CAST: variants seen among roughly 807,000 people sequenced by gnomAD.
CAST encodes the protein MIR583 host.
Under a neutral mutation model 119.6 loss-of-function variants are expected in CAST, and 76 were observed. The ratio of observed to expected loss-of-function variants is 0.64; its 90% confidence interval spans 0.53 to 0.77. The LOEUF (loss-of-function observed/expected upper bound fraction) is 0.77, where lower values mean the gene tolerates loss of function less well. Ranked by LOEUF, CAST falls within the 30% of genes least tolerant of loss-of-function variation. The probability of loss-of-function intolerance (pLI) is 0.00; values close to 1 mark genes in which losing one functional copy is unlikely to be tolerated. For missense variants in CAST, 953 were observed against 946.5 expected (o/e 1.01, Z -0.09); for synonymous variants, 319 against 331.6 (o/e 0.96, Z 0.41).
chr5:96,280,677 T>C, the CAST span, among the ~76,000 whole-genome samples: 2 of 152,228 alleles, frequency 1.3e-5, no homozygotes, highest in South Asian at 4.1e-4. Context: ...AGATAATGTA[T>C]GTGAAAATAC....
the CAST span, among the ~76,000 whole-genome samples, chr5:96,156,521 A>C: frequency 6.6e-6 from 1 of 152,234 alleles, no homozygotes; most frequent in Non-Finnish European, 1.5e-5. Flanking sequence ...GAGGAGGAAT[A>C]TGAATGTTTA....
intron 3 of CAST, among the ~76,000 whole-genome samples, chr5:96,701,212 G>A (rs1454537040): frequency 6.6e-6 from 1 of 152,096 alleles, no homozygotes; most frequent in Non-Finnish European, 1.5e-5. Context: ...ACAGGCATGA[G>A]CCACCATGCC....
At chr5:96,577,232 TA>T (rs540771696) in intron 1 of CAST, among the ~76,000 whole-genome samples, 21 of 152,290 alleles carry the variant, frequency 1.4e-4, no homozygotes, top group African/African-American at 4.8e-4. Flanking sequence ...ATTCCATTAT[TA>T]TCTTGTAGGA....
the CAST span, among the ~76,000 whole-genome samples, chr5:96,046,896 A>G: frequency 6.6e-6 from 1 of 152,170 alleles, no homozygotes; most frequent in Non-Finnish European, 1.5e-5. Context: ...AGATCTCGTG[A>G]AACTTATTCA....
intron 19 of CAST, among the ~76,000 whole-genome samples, chr5:96,749,517 G>A (rs886760197): frequency 5.9e-5 from 9 of 152,126 alleles, no homozygotes; most frequent in African/African-American, 1.9e-4. Flanking sequence ...TTTGTTTAAA[G>A]GTTTGCTTCT....
Position 96,737,865 on chromosome 5 carries a change from C to T in CAST, c.716C>T (p.Ala239Val). The T allele has an allele frequency of 6.3e-7, 1 of 1,591,992 alleles. No individual in the cohort carries two copies. The highest frequency in any genetic ancestry group is 8.6e-7 in the Non-Finnish European group (1 of 1,160,446). ...KPSGKSGMDA[A>V]LDDLIDTLGG... ...CTTTTCCAGTCAGGCATGGATGCTGCTTTGGATGACTTAATAGATACTTTA... is the reference window on the plus strand; with the variant it reads ...CTTTTCCAGTCAGGCATGGATGCTGTTTTGGATGACTTAATAGATACTTTA... Residue 239 changes from alanine (A) to valine (V), a missense_variant, in exon 11 of 32, where the codon GCT (alanine) becomes GTT (valine). Ala to Val is a moderately conservative substitution (Grantham distance 64, BLOSUM62 0). Transcript: ENST00000675179.
intron 1 of CAST, among the ~76,000 whole-genome samples, chr5:96,601,442 C>T (rs542823220): frequency 6.7e-4 from 102 of 152,274 alleles, no homozygotes; most frequent in African/African-American, 2.0e-3. Context: ...AAGGTTACTA[C>T]GGAAACAATG....
chr5:96,051,361 T>C, the CAST span, among the ~76,000 whole-genome samples: 19 of 152,188 alleles, frequency 1.2e-4, no homozygotes, highest in Admixed American at 3.9e-4. Context: ...GTGATTTTTC[T>C]TTCTGGTAGG....
At chr5:96,643,004 G>A (rs895120110) in intron 1 of CAST, among the ~76,000 whole-genome samples, 2 of 107,820 alleles carry the variant, frequency 1.9e-5, no homozygotes, top group African/African-American at 7.0e-5. Context: ...GAGAGGTTGA[G>A]TAATTTGCTG....
chr5:96,627,495 A>C (rs1334203284), intron 1 of CAST, among the ~76,000 whole-genome samples: 3 of 152,222 alleles, frequency 2.0e-5, no homozygotes, highest in Non-Finnish European at 2.9e-5. Flanking sequence ...ATCTGGCAAA[A>C]TACAAAGTCA....
the CAST span, among the ~76,000 whole-genome samples, chr5:96,047,898 G>A: frequency 6.6e-6 from 1 of 152,212 alleles, no homozygotes; most frequent in South Asian, 2.1e-4. Context: ...GAAGGAAGAA[G>A]GTAGTAAAGA....
intron 26 of CAST, 21 bp from the exon 27 acceptor site, chr5:96,766,032 A>C (rs200254709): frequency 1.5e-6 from 2 of 1,305,214 alleles, no homozygotes; most frequent in Non-Finnish European, 2.2e-6. Flanking sequence ...TATTAATTCT[A>C]TCTGCTCACT....
the CAST span, among the ~76,000 whole-genome samples, chr5:96,233,875 A>G: frequency 6.6e-6 from 1 of 152,202 alleles, no homozygotes; most frequent in African/African-American, 2.4e-5. Context: ...AGAAGAAATA[A>G]TCTTAAAATT....
chr5:96,273,416 G>T, the CAST span, among the ~76,000 whole-genome samples: 2 of 152,178 alleles, frequency 1.3e-5, no homozygotes, highest in African/African-American at 4.8e-5. Flanking sequence ...AGGAGTCAGA[G>T]AAATAGAATA....
chr5:96,322,661 CA>C, the CAST span, among the ~76,000 whole-genome samples: 5 of 152,242 alleles, frequency 3.3e-5, no homozygotes, highest in African/African-American at 1.2e-4. Flanking sequence ...CAGAGGAGAA[CA>C]AGGGGACAGG....
chr5:96,771,183 A>T (rs1188253763), intron 30 of CAST, among the ~76,000 whole-genome samples: 4 of 152,322 alleles, frequency 2.6e-5, no homozygotes, highest in African/African-American at 9.6e-5. Flanking sequence ...CAGTTATGCC[A>T]TTATATCTCA....
At chr5:96,269,802 T>A in the CAST span, among the ~76,000 whole-genome samples, 1 of 152,168 alleles carries the variant, frequency 6.6e-6, no homozygotes, top group Non-Finnish European at 1.5e-5. Context: ...ATGGCTTCAC[T>A]GCTAAGTTAC....
At chr5:96,349,516 T>C in the CAST span, among the ~76,000 whole-genome samples, 2 of 152,162 alleles carry the variant, frequency 1.3e-5, no homozygotes, top group African/African-American at 4.8e-5. Context: ...ATTGTTATCA[T>C]GAGTCTATTA....
the CAST span, among the ~76,000 whole-genome samples, chr5:96,162,578 T>A: frequency 1.3e-5 from 2 of 151,982 alleles, no homozygotes; most frequent in African/African-American, 4.8e-5. Flanking sequence ...CCACCACACC[T>A]GGCTAATTTT....
Sources: gnomAD v4.1 joint callset for allele counts (sites outside exome capture counted in the v4.1 genomes callset) on GRCh38, gnomAD v4.1.1 for gene constraint, MANE v1.5 for transcripts, NCBI Gene and HGNC (gene_info 2026-07-23, HGNC 2026-07-21) for gene names.